The following SUMF1 variants were observed in gnomAD, a reference collection of about 807,000 sequenced individuals.
SUMF1 encodes formylglycine-generating enzyme.
A neutral mutation model predicts 47.6 loss-of-function variants in SUMF1; 48 were observed. The ratio of observed to expected loss-of-function variants is 1.01; its 90% CI spans 0.80 to 1.28. The LOEUF (loss-of-function observed/expected upper bound fraction) is 1.28. SUMF1 is among the 50% of genes most tolerant of loss of function. The probability of loss-of-function intolerance (pLI) is 0.00; values close to 1 mark genes in which losing one functional copy is unlikely to be tolerated. For synonymous variants in SUMF1, 230 were observed against 192.1 expected (o/e 1.20, Z -1.63); for missense variants, 571 against 485.4 (o/e 1.18, Z -1.66).
chr3:4,150,351 C>A (rs1694290306), intron 8 of SUMF1, among the ~76,000 whole-genome samples: 1 of 151,502 alleles, frequency 6.6e-6, no homozygotes, highest in African/African-American at 2.4e-5. Context: ...TGCCTGAGCT[C>A]AGGAGTTTGC....
At chr3:4,149,797 G>A (rs752617607) in intron 8 of SUMF1, among the ~76,000 whole-genome samples, 1 of 152,118 alleles carries the variant, frequency 6.6e-6, no homozygotes, top group Non-Finnish European at 1.5e-5. Context: ...AGTCCTAGAG[G>A]TGCCTAGAGG....
chr3:4,072,726 G>C (rs185452629), intron 8 of SUMF1, among the ~76,000 whole-genome samples: 3 of 152,166 alleles, frequency 2.0e-5, no homozygotes, highest in East Asian at 3.9e-4. Context: ...GCAGAACAAA[G>C]GATATCAGTG....
chr3:4,164,629 T>G (rs1694657638), intron 8 of SUMF1, among the ~76,000 whole-genome samples: 1 of 152,174 alleles, frequency 6.6e-6, no homozygotes, highest in South Asian at 2.1e-4. Context: ...CAAGGTTTGT[T>G]TGTCTGAGGG....
chr3:4,079,521 T>G (rs1447496790), intron 8 of SUMF1, among the ~76,000 whole-genome samples: 1 of 151,850 alleles, frequency 6.6e-6, no homozygotes, highest in African/African-American at 2.4e-5. Flanking sequence ...GGGGTTAGAT[T>G]TCCTAGGATC....
At chr3:4,400,338 G>T (rs1477205858) in intron 7 of SUMF1, among the ~76,000 whole-genome samples, 1 of 152,130 alleles carries the variant, frequency 6.6e-6, no homozygotes, top group Non-Finnish European at 1.5e-5. Context: ...AAAAACCCGG[G>T]CTTTGGTTCT....
At chr3:4,151,935 C>T (rs1344248088) in intron 8 of SUMF1, among the ~76,000 whole-genome samples, 1 of 151,516 alleles carries the variant, frequency 6.6e-6, no homozygotes, top group African/African-American at 2.5e-5. Context: ...TTCTCCTGTA[C>T]TTGCTGGATG....
At chr3:4,257,891 A>G (rs969816718) in intron 8 of SUMF1, among the ~76,000 whole-genome samples, 5 of 151,330 alleles carry the variant, frequency 3.3e-5, no homozygotes, top group African/African-American at 1.2e-4. Context: ...CCAAAACAGC[A>G]TGGTACTGGT....
At chr3:4,149,719 T>G (rs535252989) in intron 8 of SUMF1, among the ~76,000 whole-genome samples, 1 of 152,290 alleles carries the variant, frequency 6.6e-6, no homozygotes, top group African/African-American at 2.4e-5. Flanking sequence ...TCACTGATAT[T>G]GCAATTTGGG....
At chr3:4,180,963 T>A (rs370485189) in intron 8 of SUMF1, among the ~76,000 whole-genome samples, 2 of 152,290 alleles carry the variant, frequency 1.3e-5, no homozygotes, top group East Asian at 3.9e-4. Flanking sequence ...TACAATTCAT[T>A]TACTAACCAA....
intron 8 of SUMF1, among the ~76,000 whole-genome samples, chr3:4,075,254 T>A (rs1193498863): frequency 1.3e-5 from 2 of 152,108 alleles, no homozygotes; most frequent in Non-Finnish European, 2.9e-5. Context: ...CATGATTATC[T>A]CAATAGATAC....
intron 8 of SUMF1, among the ~76,000 whole-genome samples, chr3:4,100,463 T>C (rs933046195): frequency 8.6e-5 from 13 of 151,970 alleles, no homozygotes; most frequent in Non-Finnish European, 1.8e-4. Flanking sequence ...CAATAAATTG[T>C]GCTTGAAAAG....
At chr3:4,442,435 A>AT (rs1702632877) in intron 3 of SUMF1, among the ~76,000 whole-genome samples, 1 of 146,700 alleles carries the variant, frequency 6.8e-6, no homozygotes, top group African/African-American at 2.5e-5. Context: ...TTTTTTTTGT[A>AT]TTTTTAGTAG....
At chr3:4,418,604 G>C (rs1382857343) in intron 4 of SUMF1, among the ~76,000 whole-genome samples, 2 of 152,206 alleles carry the variant, frequency 1.3e-5, no homozygotes, top group Non-Finnish European at 2.9e-5. Context: ...CCTGTGTTGG[G>C]TGGAGCTTGG....
chr3:4,043,563 C>T (rs1400907810), intron 9 of SUMF1, among the ~76,000 whole-genome samples: 1 of 152,060 alleles, frequency 6.6e-6, no homozygotes, highest in African/African-American at 2.4e-5. Flanking sequence ...CGCGAATTTA[C>T]CATGGCTCTG....
At chr3:4,181,293 G>A (rs1425170474) in intron 8 of SUMF1, among the ~76,000 whole-genome samples, 1 of 152,092 alleles carries the variant, frequency 6.6e-6, no homozygotes. Context: ...CTCATTCCTA[G>A]TTTGTACAAC....
At chr3:4,315,273 C>G (rs1178194826) in intron 8 of SUMF1, among the ~76,000 whole-genome samples, 1 of 152,122 alleles carries the variant, frequency 6.6e-6, no homozygotes, top group Non-Finnish European at 1.5e-5. Flanking sequence ...TGCTCACAAG[C>G]TCACCTAATA....
intron 8 of SUMF1, among the ~76,000 whole-genome samples, chr3:4,207,184 ATATT>A (rs1695671737): frequency 6.6e-6 from 1 of 152,098 alleles, no homozygotes; most frequent in South Asian, 2.1e-4. Context: ...TGATTTTTGT[ATATT>A]TATCTTTTAC....
intron 8 of SUMF1, among the ~76,000 whole-genome samples, chr3:4,262,463 C>T (rs572053972): frequency 6.6e-6 from 1 of 152,190 alleles, no homozygotes; most frequent in African/African-American, 2.4e-5. Context: ...TATTGATAGA[C>T]AAAACCAAAA....
At chr3:4,113,422 G>C (rs569641968) in intron 8 of SUMF1, among the ~76,000 whole-genome samples, 16 of 151,960 alleles carry the variant, frequency 1.1e-4, no homozygotes, top group Non-Finnish European at 2.1e-4. Context: ...CCAGCTATGT[G>C]GGGGGCTGAG....
Sources: allele counts gnomAD v4.1 joint callset (sites outside exome capture counted in the v4.1 genomes callset), GRCh38; gene constraint gnomAD v4.1.1; transcripts MANE v1.5; gene names NCBI Gene and HGNC (gene_info 2026-07-23, HGNC 2026-07-21).